DCC: variants seen among roughly 807,000 people sequenced by gnomAD.
The protein encoded by DCC is DCC netrin 1 receptor.
DCC carries 58 observed loss-of-function variants against 172.5 expected under a neutral mutation model. The observed-to-expected ratio is 0.34, with a 90% CI of 0.27 to 0.42. DCC has a LOEUF of 0.42. DCC is among the 10% of genes least tolerant of loss of function. DCC has a pLI of 1.00. For synonymous variants in DCC, 709 were observed against 644.5 expected, an observed-to-expected ratio of 1.10 and a Z score of -1.52; for missense variants, 1,740 against 1,791.0, an observed-to-expected ratio of 0.97 and a Z score of 0.51.
At chr18:52,413,891 G>A (rs1335565990) in intron 1 of DCC, among the ~76,000 whole-genome samples, 1 of 152,114 alleles carries the variant, frequency 6.6e-6, no homozygotes, top group Non-Finnish European at 1.5e-5. Context: ...TTATGCATAT[G>A]CATATATACT....
chr18:53,079,962 C>T (rs2042776080), intron 7 of DCC, among the ~76,000 whole-genome samples: 2 of 152,062 alleles, frequency 1.3e-5, no homozygotes, highest in African/African-American at 4.8e-5. Context: ...TTTGTCTAGA[C>T]TATGTGGGAT....
intron 7 of DCC, among the ~76,000 whole-genome samples, chr18:53,147,878 T>G (rs1176303638): frequency 6.6e-6 from 1 of 152,220 alleles, no homozygotes; most frequent in African/African-American, 2.4e-5. Flanking sequence ...CAAGTATGAT[T>G]GGAGCCATTT....
At chr18:52,380,664 G>T (rs1457789915) in intron 1 of DCC, among the ~76,000 whole-genome samples, 1 of 152,046 alleles carries the variant, frequency 6.6e-6, no homozygotes, top group Non-Finnish European at 1.5e-5. Flanking sequence ...GACTGTCCTT[G>T]GGCCTCAGTT....
At chr18:52,772,566 G>A (rs2037362178) in intron 2 of DCC, among the ~76,000 whole-genome samples, 1 of 152,116 alleles carries the variant, frequency 6.6e-6, no homozygotes, top group African/African-American at 2.4e-5. Flanking sequence ...GCAACAAAGG[G>A]AAAAGCACAT....
chr18:52,895,750 T>C (rs1052050750), intron 2 of DCC, among the ~76,000 whole-genome samples: 1 of 152,194 alleles, frequency 6.6e-6, no homozygotes, highest in Non-Finnish European at 1.5e-5. Context: ...TGTATACTTA[T>C]GTATGGATTC....
At chr18:52,465,382 C>A (rs1009019935) in intron 1 of DCC, among the ~76,000 whole-genome samples, 1 of 152,120 alleles carries the variant, frequency 6.6e-6, no homozygotes, top group South Asian at 2.1e-4. Context: ...CCCCGTTTCT[C>A]TTGGGTAAAT....
intron 1 of DCC, among the ~76,000 whole-genome samples, chr18:52,416,403 G>A (rs866330765): frequency 3.3e-5 from 5 of 152,066 alleles, no homozygotes; most frequent in Non-Finnish European, 1.5e-5. Flanking sequence ...TTGGTGCAGA[G>A]CTGAGTTCAA....
At chr18:53,180,176 T>C (rs1393333633) in intron 9 of DCC, among the ~76,000 whole-genome samples, 1 of 152,200 alleles carries the variant, frequency 6.6e-6, no homozygotes, top group East Asian at 1.9e-4. Flanking sequence ...GAGCAGGAGA[T>C]ACAGTCTGAG....
chr18:52,361,576 T>C (rs1000421881), intron 1 of DCC, among the ~76,000 whole-genome samples: 1 of 152,308 alleles, frequency 6.6e-6, no homozygotes, highest in Middle Eastern at 3.4e-3. Flanking sequence ...CTCCAAAATG[T>C]TCAACTGCCC....
At chr18:53,398,997 T>C (rs1441456935) in intron 18 of DCC, among the ~76,000 whole-genome samples, 2 of 152,116 alleles carry the variant, frequency 1.3e-5, no homozygotes, top group Non-Finnish European at 2.9e-5. Flanking sequence ...AAAGACCATA[T>C]GGGGCTACAC....
At chr18:52,868,664 G>A (rs866198913) in intron 2 of DCC, among the ~76,000 whole-genome samples, 2 of 152,194 alleles carry the variant, frequency 1.3e-5, no homozygotes, top group South Asian at 2.1e-4. Context: ...AAGCTCTGTG[G>A]CCGGTGGCAC....
chr18:53,251,788 C>A (rs147164383), intron 12 of DCC, among the ~76,000 whole-genome samples: 2 of 151,988 alleles, frequency 1.3e-5, no homozygotes, highest in African/African-American at 2.4e-5. Flanking sequence ...ATTGATGAAG[C>A]ACCATATCCC....
intron 22 of DCC, among the ~76,000 whole-genome samples, chr18:53,435,630 T>A (rs751707713): frequency 2.0e-5 from 3 of 152,202 alleles, no homozygotes; most frequent in Non-Finnish European, 4.4e-5. Flanking sequence ...TTAAAGTTAC[T>A]TGGATTTTTG....
chr18:53,198,211 G>A (rs1301335020), intron 9 of DCC, among the ~76,000 whole-genome samples: 1 of 152,008 alleles, frequency 6.6e-6, no homozygotes, highest in Non-Finnish European at 1.5e-5. Flanking sequence ...CTAAAATTTG[G>A]GGGATAGAAA....
intron 15 of DCC, among the ~76,000 whole-genome samples, chr18:53,344,940 CT>C (rs2057706583): frequency 6.6e-6 from 1 of 150,444 alleles, no homozygotes; most frequent in Non-Finnish European, 1.5e-5. Context: ...AAGAGATCAG[CT>C]GACTTTTTCT....
intron 3 of DCC, among the ~76,000 whole-genome samples, chr18:52,909,347 A>G (rs2145455295): frequency 1.3e-5 from 2 of 152,288 alleles, no homozygotes; most frequent in Middle Eastern, 6.8e-3. Flanking sequence ...AGAACTCTTG[A>G]AAGGTATATC....
chr18:52,652,603 G>A (rs2035157866), intron 1 of DCC, among the ~76,000 whole-genome samples: 1 of 152,092 alleles, frequency 6.6e-6, no homozygotes, highest in African/African-American at 2.4e-5. Context: ...GGAATGTTCA[G>A]TCTCAGTGTG....
At chr18:53,383,591 G>C (rs1237110315) in intron 15 of DCC, among the ~76,000 whole-genome samples, 4 of 150,156 alleles carry the variant, frequency 2.7e-5, no homozygotes, top group Non-Finnish European at 5.9e-5. Context: ...AGTTCTGCGA[G>C]AAGCTGCTTC....
intron 7 of DCC, among the ~76,000 whole-genome samples, chr18:53,128,870 C>CACATATATAT (rs1300738812): frequency 2.6e-4 from 20 of 77,458 alleles, no homozygotes; most frequent in East Asian, 1.2e-3. Flanking sequence ...CACACACACA[C>CACATATATAT]ATATATATAT....
Sources: gnomAD v4.1 joint callset for allele counts (sites outside exome capture counted in the v4.1 genomes callset) on GRCh38, gnomAD v4.1.1 for gene constraint, MANE v1.5 for transcripts, NCBI Gene and HGNC (gene_info 2026-07-23, HGNC 2026-07-21) for gene names.